Variants in RXFP1 observed in about 807,000 individuals in gnomAD.
RXFP1 encodes relaxin family peptide receptor 1, also known as relaxin receptor 1.
RXFP1 carries 73 observed loss-of-function variants against 89.8 expected under a neutral mutation model. The observed-to-expected ratio is 0.81, with a 90% CI of 0.67 to 0.99. RXFP1 has a LOEUF of 0.99. Ranked by LOEUF, RXFP1 falls within the 50% of genes least tolerant of loss-of-function variation. The pLI, the probability that RXFP1 is intolerant of heterozygous loss-of-function variation, is 0.00. For synonymous variants in RXFP1, 277 were observed against 305.5 expected (o/e 0.91, Z 0.97); for missense variants, 793 against 895.5 (o/e 0.89, Z 1.46).
intron 6 of RXFP1, 75 bp from the exon 7 acceptor site, chr4:158,612,055 A>G: frequency 1.6e-6 from 2 of 1,229,264 alleles, no homozygotes; most frequent in Non-Finnish European, 1.2e-6. Flanking sequence ...AAGATGGATG[A>G]TTATTGTTTT....
intron 1 of RXFP1, among the ~76,000 whole-genome samples, chr4:158,529,188 C>T (rs1431404866): frequency 6.6e-6 from 1 of 152,000 alleles, no homozygotes; most frequent in South Asian, 2.1e-4. Context: ...AAATCCCACA[C>T]TGGTCATAAA....
chr4:158,550,121 C>G (rs1749712576), intron 1 of RXFP1, among the ~76,000 whole-genome samples: 1 of 152,246 alleles, frequency 6.6e-6, no homozygotes, highest in Admixed American at 6.5e-5. Context: ...TTCCCAGCTG[C>G]TTTGTTTACC....
chr4:158,620,262 T>A (rs1450740685), intron 9 of RXFP1, among the ~76,000 whole-genome samples: 4 of 152,086 alleles, frequency 2.6e-5, no homozygotes, highest in African/African-American at 9.6e-5. Flanking sequence ...AGCTTTCAAA[T>A]TGAAACGAAA....
intron 4 of RXFP1, among the ~76,000 whole-genome samples, chr4:158,604,209 C>T (rs936978778): frequency 1.3e-5 from 2 of 151,980 alleles, no homozygotes; most frequent in Admixed American, 1.3e-4. Flanking sequence ...TTAAGTTAAC[C>T]TCCAGACAAT....
At chr4:158,629,763 G>A (rs534474028) in intron 11 of RXFP1, among the ~76,000 whole-genome samples, 9 of 151,902 alleles carry the variant, frequency 5.9e-5, no homozygotes, top group Admixed American at 1.3e-4. Flanking sequence ...GTGTAGCTAC[G>A]ACTATAGCAC....
At chr4:158,574,764 C>G (rs576067919) in intron 2 of RXFP1, among the ~76,000 whole-genome samples, 1 of 152,240 alleles carries the variant, frequency 6.6e-6, no homozygotes, top group South Asian at 2.1e-4. Flanking sequence ...ATTTTTGCCA[C>G]TTCTTAGTTT....
chr4:158,636,502 A>G (rs1769188541), intron 12 of RXFP1, among the ~76,000 whole-genome samples: 1 of 152,184 alleles, frequency 6.6e-6, no homozygotes, highest in Non-Finnish European at 1.5e-5. Flanking sequence ...GTCTCAGTCT[A>G]TCACTACCGT....
At chr4:158,579,396 G>T (rs990932646) in intron 2 of RXFP1, among the ~76,000 whole-genome samples, 1 of 152,176 alleles carries the variant, frequency 6.6e-6, no homozygotes, top group African/African-American at 2.4e-5. Flanking sequence ...AGCCTCCTGA[G>T]TACAGGAACT....
intron 2 of RXFP1, 23 bp downstream of exon 2, chr4:158,572,858 C>T: frequency 5.0e-6 from 8 of 1,612,302 alleles, no homozygotes; most frequent in African/African-American, 1.3e-5. Context: ...CCTGCAGTCA[C>T]GGTGAGAGAA....
chr4:158,555,761 G>T (rs1176294787), intron 1 of RXFP1, among the ~76,000 whole-genome samples: 1 of 152,134 alleles, frequency 6.6e-6, no homozygotes, highest in African/African-American at 2.4e-5. Flanking sequence ...AGAAGGAAAA[G>T]AAGATTTAAA....
intron 1 of RXFP1, among the ~76,000 whole-genome samples, chr4:158,543,410 A>T (rs1747347232): frequency 6.6e-6 from 1 of 152,226 alleles, no homozygotes; most frequent in Non-Finnish European, 1.5e-5. Flanking sequence ...GAAGATTTCT[A>T]GTTTTTAGGT....
rs1208113711 is a variant in RXFP1 at position 158,599,348 on chromosome 4, A to G, written c.309A>G (p.Gln103=). Residue 103 remains glutamine (Q), a synonymous_variant, in exon 4 of 18, where the codon CAA becomes CAG. Transcript: ENST00000307765. ...CAGTGGTCGGTTCTGTGCCAGTGCA[A>G]TGTCTTTGCCAAGGTCTGGAGCTTG... is the stretch of plus-strand genomic sequence containing the variant. ...PECLVGSVPV[Q]CLCQGLELDC... 1.2e-6 allele frequency: 2 copies of G among 1,613,728 alleles called. No individual in the cohort carries two copies. Among genetic ancestry groups the G allele is most frequent in the African/African-American group, 2.7e-5 (2 of 74,846 alleles).
chr4:158,649,293 T>A (rs1772167577), intron 17 of RXFP1, among the ~76,000 whole-genome samples: 1 of 152,188 alleles, frequency 6.6e-6, no homozygotes, highest in Non-Finnish European at 1.5e-5. Context: ...AATCATCACA[T>A]GCTTAAGGTG....
At chr4:158,586,637 T>G (rs981427734) in intron 2 of RXFP1, among the ~76,000 whole-genome samples, 1 of 152,228 alleles carries the variant, frequency 6.6e-6, no homozygotes, top group Admixed American at 6.5e-5. Flanking sequence ...TTCTTTAAAA[T>G]GCTAACTCTC....
chr4:158,611,700 T>C (rs1426472250), intron 6 of RXFP1, among the ~76,000 whole-genome samples: 2 of 152,226 alleles, frequency 1.3e-5, no homozygotes, highest in Non-Finnish European at 2.9e-5. Flanking sequence ...CTCCACACTC[T>C]GCAGTCCCTA....
chr4:158,647,317 C>T, intron 16 of RXFP1, 116 bp downstream of exon 16: 2 of 791,208 alleles, frequency 2.5e-6, no homozygotes, highest in South Asian at 4.1e-5. Context: ...TTTTCCTCCC[C>T]AAATTATACT....
chr4:158,638,202 C>CT (rs1554022810), intron 13 of RXFP1, 123 bp downstream of exon 13: 21 of 576,618 alleles, frequency 3.6e-5, no homozygotes, highest in Non-Finnish European at 6.4e-5. Context: ...TTTAGCTCCA[C>CT]AAAAACATAT....
intron 8 of RXFP1, among the ~76,000 whole-genome samples, chr4:158,613,314 C>T (rs1763920590): frequency 1.3e-5 from 2 of 152,154 alleles, no homozygotes; most frequent in African/African-American, 4.8e-5. Context: ...AGGTTTGCTA[C>T]ATTGATTGAC....
intron 14 of RXFP1, among the ~76,000 whole-genome samples, chr4:158,642,597 G>A (rs1243325089): frequency 6.6e-6 from 1 of 152,044 alleles, no homozygotes; most frequent in East Asian, 1.9e-4. Context: ...TTCCCACCTA[G>A]TTGCCACAAT....
Sources: allele counts gnomAD v4.1 joint callset (sites outside exome capture counted in the v4.1 genomes callset), GRCh38; gene constraint gnomAD v4.1.1; transcripts MANE v1.5; gene names NCBI Gene and HGNC (gene_info 2026-07-23, HGNC 2026-07-21).